Variants in IL15 observed in about 807,000 individuals in gnomAD.
IL15 encodes interleukin-15.
A neutral mutation model predicts 19.6 loss-of-function variants in IL15; 11 were observed. That is an observed-to-expected ratio of 0.56 (90% confidence interval 0.35 to 0.93). The LOEUF (loss-of-function observed/expected upper bound fraction) is 0.93, where lower values mean the gene tolerates loss of function less well. IL15 is among the 40% of genes least tolerant of loss of function. The pLI is 0.01. For missense variants in IL15, 197 were observed against 186.5 expected, an observed-to-expected ratio of 1.06 and a Z score of -0.33; for synonymous variants, 58 against 59.6, an observed-to-expected ratio of 0.97 and a Z score of 0.12.
chr4:141,704,675 C>T (rs997571513), intron 2 of IL15: 1 of 259,510 alleles, frequency 3.9e-6, no homozygotes, highest in African/African-American at 2.3e-5. Flanking sequence ...AGGTCCTGGT[C>T]TTTTCTTTGA....
intron 4 of IL15, chr4:141,721,438 T>G: frequency 1.6e-6 from 1 of 618,652 alleles, no homozygotes; most frequent in Non-Finnish European, 3.0e-6. Flanking sequence ...AGTAAGAGTG[T>G]GAGCAACATG....
chr4:141,725,006 C>T (rs73851520), intron 5 of IL15, among the ~76,000 whole-genome samples: 4,063 of 152,172 alleles, frequency 0.027, 187 homozygotes, highest in African/African-American at 0.092. Flanking sequence ...AAGACAACTA[C>T]AAAAATATCT....
chr4:141,658,099 T>C (rs1278513979), intron 2 of IL15, among the ~76,000 whole-genome samples: 1 of 152,130 alleles, frequency 6.6e-6, no homozygotes, highest in East Asian at 1.9e-4. Context: ...GGTAATCAGA[T>C]CATGGGGCAA....
At chr4:141,724,250 T>G (rs1730186296) in intron 5 of IL15, among the ~76,000 whole-genome samples, 1 of 151,990 alleles carries the variant, frequency 6.6e-6, no homozygotes, top group Non-Finnish European at 1.5e-5. Flanking sequence ...TCAAAGGATA[T>G]TCATAATACA....
chr4:141,673,183 A>G (rs1389268360), intron 2 of IL15, among the ~76,000 whole-genome samples: 5 of 152,184 alleles, frequency 3.3e-5, no homozygotes, highest in Non-Finnish European at 5.9e-5. Flanking sequence ...AAAATTTCCC[A>G]CTTTAGCATT....
intron 2 of IL15, among the ~76,000 whole-genome samples, chr4:141,691,560 G>A (rs540401099): frequency 1.3e-5 from 2 of 152,274 alleles, no homozygotes; most frequent in South Asian, 2.1e-4. Flanking sequence ...TTGGGTAAAT[G>A]TTCCCATTCC....
chr4:141,676,760 T>C (rs995729065), intron 2 of IL15, among the ~76,000 whole-genome samples: 7 of 151,088 alleles, frequency 4.6e-5, no homozygotes, highest in East Asian at 1.9e-4. Flanking sequence ...ATGGATGAGA[T>C]TGTAGGTATG....
intron 1 of IL15, among the ~76,000 whole-genome samples, chr4:141,651,059 G>A (rs942216672): frequency 6.6e-6 from 1 of 151,898 alleles, no homozygotes; most frequent in Non-Finnish European, 1.5e-5. Flanking sequence ...AATGATGGTA[G>A]TCTGTATGGA....
intron 1 of IL15, among the ~76,000 whole-genome samples, chr4:141,653,651 C>T (rs921739887): frequency 6.6e-6 from 1 of 152,048 alleles, no homozygotes; most frequent in African/African-American, 2.4e-5. Flanking sequence ...AAAAACTTCC[C>T]ATTCTTTTCT....
At chr4:141,642,997 G>A (rs1279716750) in intron 1 of IL15, among the ~76,000 whole-genome samples, 1 of 152,150 alleles carries the variant, frequency 6.6e-6, no homozygotes, top group Admixed American at 6.6e-5. Context: ...AAAGAGGTAG[G>A]AAACATAAGT....
chr4:141,717,038 T>C (rs139620154), intron 2 of IL15: 208 of 152,262 alleles, frequency 1.4e-3, no homozygotes, highest in African/African-American at 4.5e-3. Context: ...TTGCAGAACA[T>C]TTGCCTTCAG....
intron 2 of IL15, among the ~76,000 whole-genome samples, chr4:141,712,045 A>G (rs1002447863): frequency 4.6e-5 from 7 of 152,246 alleles, no homozygotes; most frequent in East Asian, 1.9e-4. Context: ...TGCCCTGTCA[A>G]TGTGAAAGCT....
intron 2 of IL15, among the ~76,000 whole-genome samples, chr4:141,666,522 A>C (rs1312779910): frequency 6.6e-6 from 1 of 151,824 alleles, no homozygotes. Context: ...TGCCTGGCTA[A>C]TTTTTTGTGT....
intron 5 of IL15, among the ~76,000 whole-genome samples, chr4:141,723,816 A>G (rs1282617084): frequency 6.6e-6 from 1 of 152,200 alleles, no homozygotes; most frequent in Non-Finnish European, 1.5e-5. Context: ...ATGTATACAC[A>G]TCAAACAACG....
intron 5 of IL15, among the ~76,000 whole-genome samples, 188 bp downstream of exon 5, chr4:141,722,196 G>T (rs138689852): frequency 1.3e-5 from 2 of 152,050 alleles, no homozygotes; most frequent in Non-Finnish European, 2.9e-5. Context: ...TCTTTAAAAC[G>T]TAATTTATAA....
At chr4:141,721,495 C>T in intron 4 of IL15, 1 of 554,658 alleles carries the variant, frequency 1.8e-6, no homozygotes, top group Non-Finnish European at 3.4e-6. Context: ...CTATCAAAAT[C>T]ATTACATGAA....
At chr4:141,675,815 C>T (rs987418498) in intron 2 of IL15, among the ~76,000 whole-genome samples, 2 of 152,100 alleles carry the variant, frequency 1.3e-5, no homozygotes, top group East Asian at 1.9e-4. Flanking sequence ...AAAAACCTTG[C>T]ACATTTTGTG....
intron 2 of IL15, among the ~76,000 whole-genome samples, chr4:141,675,451 C>G (rs189553057): frequency 2.6e-5 from 4 of 152,322 alleles, no homozygotes; most frequent in Admixed American, 6.5e-5. Flanking sequence ...CTATAAGTCT[C>G]TGCATAAAAT....
intron 1 of IL15, among the ~76,000 whole-genome samples, chr4:141,648,342 G>T (rs558495285): frequency 2.6e-5 from 4 of 152,050 alleles, no homozygotes; most frequent in African/African-American, 9.6e-5. Flanking sequence ...TTATAGAGGG[G>T]ATAATTTTAT....
Sources: gnomAD v4.1 joint callset for allele counts (sites outside exome capture counted in the v4.1 genomes callset) on GRCh38, gnomAD v4.1.1 for gene constraint, MANE v1.5 for transcripts, NCBI Gene and HGNC (gene_info 2026-07-23, HGNC 2026-07-21) for gene names.